PKN3: variants seen among roughly 807,000 people sequenced by gnomAD.
PKN3 encodes serine/threonine-protein kinase N3.
Under a neutral mutation model 113.1 loss-of-function variants are expected in PKN3, and 91 were observed. That is an observed-to-expected ratio of 0.80 (90% CI 0.68 to 0.96). The LOEUF is 0.96. PKN3 is among the 40% of genes least tolerant of loss of function. The pLI is 0.00. For synonymous variants in PKN3, 467 were observed against 499.0 expected (o/e 0.94, Z 0.85); for missense variants, 1,052 against 1,202.2 (o/e 0.88, Z 1.85).
At chr9:128,709,317 G>T (rs1201903000) in intron 6 of PKN3, among the ~76,000 whole-genome samples, 4 of 151,584 alleles carry the variant, frequency 2.6e-5, no homozygotes, top group East Asian at 3.9e-4. Context: ...AATTAGCCAG[G>T]TATGATGGTA....
Position 128,720,553 on chromosome 9 carries a change from C to T in PKN3, c.2617C>T (p.Gln873Ter). Residue 873 changes from glutamine (Q) to a stop codon, truncating the protein, a stop_gained, in exon 22 of 22, where the codon CAG becomes TAG. Transcript: ENST00000291906. LOFTEE classifies it high-confidence loss of function. This position sits in a 1 kb window ranked among gnomAD's most constrained non-coding sequence, Gnocchi z 5.5. ...APHSLLTARQ[Q>*]AAFRDFDFVS... ...CCACAGCCTCCTCACTGCCCGCCAA[C>T]AGGCCGCCTTCCGGGACTTCGACTT... is the stretch of plus-strand genomic sequence containing the variant. 1.2e-6 allele frequency: 2 copies of T among 1,613,578 alleles called. No homozygotes were observed. The highest frequency in any genetic ancestry group is 1.7e-6 in the Non-Finnish European group (2 of 1,180,018).
chr9:128,713,670 G>C (rs750759413), intron 9 of PKN3, 28 bp downstream of exon 9: 1 of 1,611,772 alleles, frequency 6.2e-7, no homozygotes, highest in Admixed American at 1.7e-5. Flanking sequence ...CCTCTGACTT[G>C]GTGGGACCCT....
Position 128,706,957 on chromosome 9 carries a change from G to A in PKN3, c.585G>A (p.Glu195=), listed in dbSNP as rs138499881. Residue 195 remains glutamate (E), a synonymous_variant, in exon 5 of 22, where the codon GAG becomes GAA. Coordinates refer to ENST00000291906, the MANE Select transcript of PKN3 (RefSeq NM_013355.5). ...HRLHVEAAVA[E]GAKNVVKLLS... ...TGCACGTTGAGGCAGCTGTGGCTGA[G>A]GGCGCCAAGAACGTGGTGAAACTGC... 982 of 1,614,080 alleles carry A rather than the reference G, an allele frequency of 6.1e-4. 7 individuals are homozygous for A. The highest frequency in any genetic ancestry group is 6.1e-3 in the Middle Eastern group (37 of 6,084).
chr9:128,705,073 A>C (rs4240432), intron 1 of PKN3, among the ~76,000 whole-genome samples: 134,559 of 152,244 alleles, frequency 0.88, 61,790 homozygotes, highest in Non-Finnish European at 1. Flanking sequence ...CCCCCCCGCC[A>C]CATCCTTCTC....
Position 128,713,056 on chromosome 9 carries a change from A to G in PKN3, c.840A>G (p.Thr280=). 1 of 1,602,748 alleles carries G rather than the reference A, an allele frequency of 6.2e-7. No homozygotes were observed. Among genetic ancestry groups the G allele is most frequent in the Non-Finnish European group, 8.5e-7 (1 of 1,172,742 alleles). Residue 280 remains threonine, a synonymous_variant, in exon 7 of 22, where the codon ACA becomes ACG. Coordinates refer to ENST00000291906, the MANE Select transcript of PKN3 (RefSeq NM_013355.5). ...CCCCGCTCACTCTCCCCACAGGGAC[A>G]CTGCAGGTCCGCCTCCTGGGCTGTG... is the stretch of plus-strand genomic sequence containing the variant. ...TPVKPTALTG[T]LQVRLLGCEQ...
intron 6 of PKN3, among the ~76,000 whole-genome samples, chr9:128,712,034 C>T (rs1280482977): frequency 6.6e-6 from 1 of 152,142 alleles, no homozygotes; most frequent in South Asian, 2.1e-4. Flanking sequence ...CTCAGCCTTC[C>T]GAGTAGCTGG....
chr9:128,712,975 C>T, intron 6 of PKN3, 77 bp from the exon 7 acceptor site: 3 of 1,489,644 alleles, frequency 2.0e-6, no homozygotes, highest in Middle Eastern at 3.6e-4. Flanking sequence ...GGTGGCCTTC[C>T]TGGGGTCCCA....
chr9:128,714,079 C>T lies in PKN3; in HGVS notation c.1270C>T (p.Pro424Ser), dbSNP rs1471382562. Residue 424 changes from proline (P) to serine (S), a missense_variant, in exon 10 of 22, where the codon CCC (proline) becomes TCC (serine). By Grantham distance (74) the Pro-to-Ser change is moderately conservative. Coordinates refer to ENST00000291906, the MANE Select transcript of PKN3 (RefSeq NM_013355.5). ...TFCDPVIERRPRLQRQERIFS... is the reference protein window; with the variant it reads ...TFCDPVIERRSRLQRQERIFS... ...CTGCGATCCTGTCATTGAGAGGCGG[C>T]CCCGGCTGCAGAGGCAGGAACGCAT... The T allele has an allele frequency of 1.2e-6, 2 of 1,614,096 alleles. No individual in the cohort carries two copies. Among genetic ancestry groups the T allele is most frequent in the South Asian group, 1.1e-5 (1 of 91,078 alleles).
chr9:128,706,714 A>AT lies in PKN3; in HGVS notation c.413_414insT (p.Glu138AspfsTer40), dbSNP rs1486297674. ...TGGGCCTGTGCTATGGCTCCATAGG[A>AT]GAGGAAGCTCCTGGCAGCTGCCCAG... On this transcript the variant is annotated frameshift_variant and splice_region_variant, in exon 4 of 22. Transcript: ENST00000291906. LOFTEE classifies it high-confidence loss of function. The AT allele has an allele frequency of 1.7e-5, 27 of 1,567,192 alleles. No homozygotes were observed. The highest frequency in any genetic ancestry group is 2.2e-5 in the Non-Finnish European group (26 of 1,155,838).
In PKN3 at chr9:128,713,258, T is replaced by C; in HGVS notation, c.983-20T>C. On this transcript the variant is annotated intron_variant, in intron 7 of 21. Coordinates refer to ENST00000291906, the MANE Select transcript of PKN3 (RefSeq NM_013355.5). ...ACCCCTGCTTCAGGCCTGCCCTGAGTCCCGGCTCTGGCCCTGCAGGCGAGG... is the reference window on the plus strand; with the variant it reads ...ACCCCTGCTTCAGGCCTGCCCTGAGCCCCGGCTCTGGCCCTGCAGGCGAGG... 3.1e-6 allele frequency: 5 copies of C among 1,613,056 alleles called. No individual in the cohort carries two copies. The highest frequency in any genetic ancestry group is 4.2e-6 in the Non-Finnish European group (5 of 1,179,444).
rs780491463 is a variant in PKN3 at position 128,714,525 on chromosome 9, G to A, written c.1482-37G>A. 7 of 955,432 alleles carry A rather than the reference G, an allele frequency of 7.3e-6. No individual in the cohort carries two copies. The East Asian group carries it at 1.7e-4, about 23-fold the overall frequency. The allele number at this position is 955,432 out of a possible 1,614,324, so 59.2% of individuals were successfully genotyped here. On this transcript the variant is annotated intron_variant, in intron 11 of 21. Coordinates refer to ENST00000291906, the MANE Select transcript of PKN3 (RefSeq NM_013355.5). ...GTCCATCCTGCCAGCTCTTGCGTCT[G>A]CCTGTGCTGGGCACTGTGTCTACTT...
At chr9:128,710,851 CT>C (rs1325017213) in intron 6 of PKN3, among the ~76,000 whole-genome samples, 1 of 152,104 alleles carries the variant, frequency 6.6e-6, no homozygotes, top group East Asian at 1.9e-4. Context: ...CACGGGAGTA[CT>C]TATGGCCAAG....
At chr9:128,712,324 C>G (rs967697072) in intron 6 of PKN3, among the ~76,000 whole-genome samples, 5 of 152,252 alleles carry the variant, frequency 3.3e-5, no homozygotes. Context: ...CTTGGGCCTG[C>G]TTCGTGTCCT....
chr9:128,719,459 G>C (rs1862455838), intron 18 of PKN3, among the ~76,000 whole-genome samples: 1 of 152,186 alleles, frequency 6.6e-6, no homozygotes, highest in Non-Finnish European at 1.5e-5. Context: ...AAAGTGCTGG[G>C]ATTACAGGTG....
chr9:128,714,568 C>A lies in PKN3; in HGVS notation c.1488C>A (p.Phe496Leu). ...GTCTACTTTCTCCCTACAGTAATTT[C>A]CTGCCCAAGAAGACCCCCTTGGGTG... ...EASDPATPSNFLPKKTPLGEE... is the reference protein window; with the variant it reads ...EASDPATPSNLLPKKTPLGEE... The change falls in exon 12 of 22, where the codon TTC (phenylalanine) becomes TTA (leucine). Residue 496 changes from phenylalanine to leucine, a missense_variant. Transcript: ENST00000291906. 8.0e-7 allele frequency: 1 copy of A among 1,246,262 alleles called. No individual in the cohort carries two copies. Among genetic ancestry groups the A allele is most frequent in the Non-Finnish European group, 1.2e-6 (1 of 844,050 alleles). 77.2% of individuals were successfully genotyped at this position (1,246,262 alleles called of 1,614,324 possible). A position where few individuals can be genotyped will look rare whatever the true frequency, so the allele number is the denominator to read the frequency against.
rs751685710 is a variant in PKN3 at position 128,704,454 on chromosome 9, G to A, written c.25-849G>A. ...GGCTTCGTGTGAACCCCTATTCGGC[G>A]TAGCTTTTGTGGCTCCTGGACTCTA... On this transcript the variant is annotated intron_variant, in intron 1 of 21. Coordinates refer to ENST00000291906, the MANE Select transcript of PKN3 (RefSeq NM_013355.5). 5.3e-5 allele frequency among the ~76,000 whole-genome samples: 8 copies of A among 152,274 alleles called. No individual in the cohort carries two copies. In the East Asian group the frequency reaches 9.7e-4, roughly 18 times the overall value.
chr9:128,717,625 G>C (rs1176668288), intron 16 of PKN3, among the ~76,000 whole-genome samples: 2 of 151,392 alleles, frequency 1.3e-5, no homozygotes, highest in Non-Finnish European at 2.9e-5. Context: ...CTACTTGAGA[G>C]GCTAAGGCAG....
At chr9:128,712,769 TG>T (rs1159168220) in intron 6 of PKN3, among the ~76,000 whole-genome samples, 1 of 151,524 alleles carries the variant, frequency 6.6e-6, no homozygotes, top group Non-Finnish European at 1.5e-5. Context: ...CACCTGGGAG[TG>T]TCCAGGTCGG....
rs756721180 is a variant in PKN3 at position 128,715,155 on chromosome 9, CCT to C, written c.1653-12_1653-11del. The C allele has an allele frequency of 9.3e-6, 15 of 1,613,152 alleles. No individual in the cohort carries two copies. The African/African-American group carries it at 1.7e-4, about 19-fold the overall frequency. ...CAGTGCCCTAGGGGACTTCATATACCCTCTCTTCCTTTGCAGGAAACCCCCTC... is the reference window on the plus strand; with the variant it reads ...CAGTGCCCTAGGGGACTTCATATACCCTCTTCCTTTGCAGGAAACCCCCTC... On this transcript the variant is annotated splice_polypyrimidine_tract_variant and intron_variant, in intron 13 of 21. Coordinates refer to ENST00000291906, the MANE Select transcript of PKN3 (RefSeq NM_013355.5). This position sits in a 1 kb window ranked among gnomAD's most constrained non-coding sequence, Gnocchi z 4.1.
Sources: allele counts gnomAD v4.1 joint callset (sites outside exome capture counted in the v4.1 genomes callset), GRCh38; gene constraint gnomAD v4.1.1; non-coding constraint Gnocchi (gnomAD v3.1); transcripts MANE v1.5; gene names NCBI Gene and HGNC (gene_info 2026-07-23, HGNC 2026-07-21).